PCDH11Y: variants seen among roughly 807,000 people sequenced by gnomAD.
PCDH11Y encodes protocadherin-11 Y-linked.
For missense variants in PCDH11Y, 12 were observed against 224.8 expected, an observed-to-expected ratio of 0.05 and a Z score of 6.05; for synonymous variants, 9 against 83.6, an observed-to-expected ratio of 0.11 and a Z score of 4.87.
chrY:5,067,684 T>C (rs2052689122), intron 1 of PCDH11Y, among the ~76,000 whole-genome samples: 1 of 32,627 alleles, frequency 3.1e-5, no homozygotes, highest in African/African-American at 1.2e-4. Context: ...GATACAGCTA[T>C]AAGTAAACAT....
intron 2 of PCDH11Y, among the ~76,000 whole-genome samples, chrY:5,293,797 C>T: frequency 1.3e-4 from 4 of 31,421 alleles, no homozygotes; most frequent in Non-Finnish European, 2.3e-4. Flanking sequence ...GTGGAATTGA[C>T]CCCTTTATCA....
At chrY:5,334,940 C>G in intron 2 of PCDH11Y, among the ~76,000 whole-genome samples, 1 of 29,599 alleles carries the variant, frequency 3.4e-5, no homozygotes, top group East Asian at 8.9e-4. Context: ...ATTTATTTGC[C>G]AAAATTAAGG....
At chrY:5,043,685 G>A in intron 3 of PCDH11Y, among the ~76,000 whole-genome samples, 2 of 32,851 alleles carry the variant, frequency 6.1e-5, no homozygotes, top group African/African-American at 1.2e-4. Flanking sequence ...CAGAAGGAAT[G>A]GTATCAGTTC....
chrY:5,266,286 C>T (rs2053025699), intron 2 of PCDH11Y, among the ~76,000 whole-genome samples: 1 of 33,290 alleles, frequency 3.0e-5, no homozygotes, highest in African/African-American at 1.2e-4. Context: ...CCTGTAATCC[C>T]AGCACTTTGG....
chrY:5,019,584 A>C (rs2052566096), intron 1 of PCDH11Y, among the ~76,000 whole-genome samples: 1 of 28,917 alleles, frequency 3.5e-5, no homozygotes, highest in Admixed American at 3.3e-4. Flanking sequence ...AAAAAAAAAA[A>C]AAAAAAAAAA....
intron 2 of PCDH11Y, among the ~76,000 whole-genome samples, chrY:5,486,672 CATATATAT>C: frequency 3.3e-4 from 1 of 3,066 alleles, no homozygotes; most frequent in South Asian, 0.027. Context: ...TCATTCCATT[CATATATAT>C]ATATATATAT....
intron 4 of PCDH11Y, among the ~76,000 whole-genome samples, chrY:5,674,555 A>T: frequency 3.0e-5 from 1 of 33,591 alleles, no homozygotes; most frequent in Non-Finnish European, 7.4e-5. Flanking sequence ...ATCTATCATG[A>T]TGATATTTTA....
intron 2 of PCDH11Y, among the ~76,000 whole-genome samples, chrY:5,117,783 A>G: frequency 3.2e-5 from 1 of 31,696 alleles, no homozygotes; most frequent in Admixed American, 3.1e-4. Flanking sequence ...AAGAAACCTA[A>G]CAGTCCAGAA....
intron 2 of PCDH11Y, among the ~76,000 whole-genome samples, chrY:5,444,132 C>A (rs2053285098): frequency 3.1e-5 from 1 of 32,305 alleles, no homozygotes; most frequent in Non-Finnish European, 7.6e-5. Flanking sequence ...GTTTGTAACA[C>A]AAAGAAAGGA....
intron 2 of PCDH11Y, among the ~76,000 whole-genome samples, chrY:5,150,552 G>T: frequency 3.1e-5 from 1 of 32,632 alleles, no homozygotes; most frequent in Non-Finnish European, 7.6e-5. Context: ...ATGAAAGCAA[G>T]AACTGTTTTG....
At chrY:5,146,620 T>C in intron 2 of PCDH11Y, among the ~76,000 whole-genome samples, 1 of 32,088 alleles carries the variant, frequency 3.1e-5, no homozygotes, top group African/African-American at 1.2e-4. Context: ...GATAGCTGTA[T>C]GTTAGGCATA....
chrY:5,279,354 C>A (rs2124660496), intron 2 of PCDH11Y, among the ~76,000 whole-genome samples: 1 of 17,040 alleles, frequency 5.9e-5, no homozygotes, highest in African/African-American at 2.4e-4. Context: ...GAGCTGAGAT[C>A]GTGCCATTGC....
At chrY:5,666,908 T>A (rs2053545141) in intron 4 of PCDH11Y, among the ~76,000 whole-genome samples, 52 of 31,533 alleles carry the variant, frequency 1.6e-3, no homozygotes, top group Non-Finnish European at 5.4e-4. Context: ...AAAATGATAG[T>A]TGTACATTTT....
At chrY:5,416,907 C>T in intron 2 of PCDH11Y, among the ~76,000 whole-genome samples, 1 of 32,264 alleles carries the variant, frequency 3.1e-5, no homozygotes, top group Non-Finnish European at 7.5e-5. Flanking sequence ...TATGAGACTT[C>T]CACAGATTGT....
At chrY:5,181,843 C>T in intron 2 of PCDH11Y, among the ~76,000 whole-genome samples, 3 of 33,447 alleles carry the variant, frequency 9.0e-5, no homozygotes, top group African/African-American at 3.5e-4. Flanking sequence ...TGATTCTTAG[C>T]TTCTTTGCAT....
At chrY:5,519,423 T>G (rs2053377928) in intron 3 of PCDH11Y, among the ~76,000 whole-genome samples, 1 of 31,382 alleles carries the variant, frequency 3.2e-5, no homozygotes, top group Non-Finnish European at 7.7e-5. Context: ...TTGTGTTTAC[T>G]TCCACCCAAA....
At chrY:5,386,185 A>T (rs2053215271) in intron 2 of PCDH11Y, among the ~76,000 whole-genome samples, 1 of 33,627 alleles carries the variant, frequency 3.0e-5, no homozygotes, top group South Asian at 6.5e-4. Flanking sequence ...ATAGGGCCCC[A>T]GTCCCTTCTA....
chrY:5,335,960 T>C, intron 2 of PCDH11Y, among the ~76,000 whole-genome samples: 2 of 32,307 alleles, frequency 6.2e-5, no homozygotes, highest in South Asian at 1.4e-3. Context: ...TCATCTTAAA[T>C]AAAAATGTAA....
chrY:5,276,845 T>C, intron 2 of PCDH11Y, among the ~76,000 whole-genome samples: 1 of 30,015 alleles, frequency 3.3e-5, no homozygotes, highest in South Asian at 7.6e-4. Context: ...GAAAAACAAA[T>C]GCAATCCCAA....
Sources: allele counts gnomAD v4.1 joint callset (sites outside exome capture counted in the v4.1 genomes callset), GRCh38; gene constraint gnomAD v4.1.1; transcripts MANE v1.5; gene names NCBI Gene and HGNC (gene_info 2026-07-23, HGNC 2026-07-21).